SETBP1: variants seen among roughly 807,000 people sequenced by gnomAD.
SETBP1 encodes SET binding protein 1.
In SETBP1, 9 loss-of-function variants were observed where a neutral mutation model predicts 101.0. The observed-to-expected ratio is 0.09, with a 90% CI of 0.05 to 0.16. The LOEUF (loss-of-function observed/expected upper bound fraction) is 0.16. SETBP1 is among the 10% of genes least tolerant of loss of function. SETBP1 has a pLI of 1.00. For synonymous variants in SETBP1, 818 were observed against 788.5 expected, an observed-to-expected ratio of 1.04 and a Z score of -0.63; for missense variants, 1,858 against 2,033.8, an observed-to-expected ratio of 0.91 and a Z score of 1.66.
chr18:45,049,214 G>A (rs1266677187), intron 5 of SETBP1, among the ~76,000 whole-genome samples: 2 of 152,152 alleles, frequency 1.3e-5, no homozygotes, highest in Non-Finnish European at 2.9e-5. Flanking sequence ...GAAGAGTTAA[G>A]ATGGACTTCT....
intron 2 of SETBP1, among the ~76,000 whole-genome samples, chr18:44,781,241 G>T (rs1197082747): frequency 6.6e-6 from 1 of 152,206 alleles, no homozygotes; most frequent in Non-Finnish European, 1.5e-5. Flanking sequence ...TGCTTCTTGA[G>T]ATGATTGTTC....
chr18:45,057,955 C>T (rs1389614242), intron 5 of SETBP1, among the ~76,000 whole-genome samples: 3 of 152,138 alleles, frequency 2.0e-5, no homozygotes, highest in Non-Finnish European at 2.9e-5. Context: ...TTACCATAAA[C>T]GACTTGACAA....
intron 1 of SETBP1, among the ~76,000 whole-genome samples, chr18:44,688,981 G>A (rs1248055873): frequency 6.6e-6 from 1 of 152,182 alleles, no homozygotes; most frequent in Non-Finnish European, 1.5e-5. Flanking sequence ...TTTTGCCCTG[G>A]GAGAGTGGGC....
At chr18:45,058,734 A>C (rs752096750) in intron 5 of SETBP1, among the ~76,000 whole-genome samples, 2 of 152,254 alleles carry the variant, frequency 1.3e-5, no homozygotes, top group Non-Finnish European at 2.9e-5. Flanking sequence ...AGATGTGAAA[A>C]ACCCTAAAGA....
chr18:44,914,903 G>T (rs1430553128), intron 3 of SETBP1, among the ~76,000 whole-genome samples: 1 of 152,040 alleles, frequency 6.6e-6, no homozygotes, highest in Non-Finnish European at 1.5e-5. Context: ...TCAGCTGGCT[G>T]CTGGTGTAAG....
At chr18:44,760,999 T>C (rs1334403826) in intron 2 of SETBP1, among the ~76,000 whole-genome samples, 1 of 152,220 alleles carries the variant, frequency 6.6e-6, no homozygotes, top group African/African-American at 2.4e-5. Flanking sequence ...ATTATAAAAA[T>C]GGTTACAACA....
At chr18:45,028,745 A>C (rs2073225780) in intron 4 of SETBP1, among the ~76,000 whole-genome samples, 1 of 152,070 alleles carries the variant, frequency 6.6e-6, no homozygotes, top group Admixed American at 6.5e-5. Context: ...TTTGATTTGC[A>C]TTTCTCTAAT....
chr18:44,729,533 A>T (rs2069789268), intron 2 of SETBP1, among the ~76,000 whole-genome samples: 1 of 152,244 alleles, frequency 6.6e-6, no homozygotes, highest in Non-Finnish European at 1.5e-5. Flanking sequence ...ATCACTATTC[A>T]TAAAGAAGGG....
chr18:44,685,537 C>A (rs1345561724), intron 1 of SETBP1, among the ~76,000 whole-genome samples: 1 of 152,124 alleles, frequency 6.6e-6, no homozygotes. Context: ...CTCTTTGGAT[C>A]GTGTCCCTGT....
chr18:44,863,302 T>A (rs1328616198), intron 2 of SETBP1, among the ~76,000 whole-genome samples: 1 of 152,178 alleles, frequency 6.6e-6, no homozygotes, highest in Non-Finnish European at 1.5e-5. Context: ...GAAACTTTCT[T>A]TGGGTTGCAT....
chr18:44,957,360 G>A (rs1189306877), intron 4 of SETBP1, among the ~76,000 whole-genome samples: 1 of 147,636 alleles, frequency 6.8e-6, no homozygotes, highest in Non-Finnish European at 1.5e-5. Flanking sequence ...GACAACTGCT[G>A]TTCAAGCTCC....
chr18:44,737,011 C>T (rs2144438311), intron 2 of SETBP1, among the ~76,000 whole-genome samples: 2 of 152,238 alleles, frequency 1.3e-5, no homozygotes, highest in South Asian at 4.2e-4. Flanking sequence ...AACACAGGGC[C>T]TGGTAGACCG....
chr18:45,030,303 T>G (rs1360069019), intron 4 of SETBP1, among the ~76,000 whole-genome samples: 3 of 125,138 alleles, frequency 2.4e-5, no homozygotes. Flanking sequence ...GTTTATATGC[T>G]GGATTACATT....
rs116155572 is a variant in SETBP1 at position 45,026,842 on chromosome 18, G to A, written c.4001-11643G>A. ...CGCGTGTACACACGTGTGTATGTGCGTGTACAAACCAACTTAGGCAAGAAT... is the reference window on the plus strand; with the variant it reads ...CGCGTGTACACACGTGTGTATGTGCATGTACAAACCAACTTAGGCAAGAAT... On this transcript the variant is annotated intron_variant, in intron 4 of 5. Coordinates refer to ENST00000649279, the MANE Select transcript of SETBP1 (RefSeq NM_015559.3). Among the ~76,000 whole-genome samples the A allele has an allele frequency of 2.5e-3, 375 of 152,252 alleles. 1 individual carries two copies. Among genetic ancestry groups the A allele is most frequent in the African/African-American group, 8.7e-3 (361 of 41,564 alleles).
At chr18:44,781,797 A>G (rs1281765699) in intron 2 of SETBP1, among the ~76,000 whole-genome samples, 2 of 152,196 alleles carry the variant, frequency 1.3e-5, no homozygotes, top group Non-Finnish European at 2.9e-5. Flanking sequence ...GAAGCTGAGC[A>G]AATGGAGCCA....
chr18:44,760,576 A>G (rs1402704743), intron 2 of SETBP1, among the ~76,000 whole-genome samples: 1 of 152,060 alleles, frequency 6.6e-6, no homozygotes, highest in African/African-American at 2.4e-5. Flanking sequence ...TGGCTGACAC[A>G]CCTCCTCTTT....
intron 4 of SETBP1, among the ~76,000 whole-genome samples, chr18:45,007,401 A>G (rs1311834751): frequency 2.0e-5 from 3 of 152,084 alleles, no homozygotes; most frequent in Non-Finnish European, 4.4e-5. Context: ...GGAACAAAAG[A>G]TCTCCAGTAA....
intron 2 of SETBP1, among the ~76,000 whole-genome samples, chr18:44,827,558 T>C (rs1044772967): frequency 2.6e-5 from 4 of 152,178 alleles, no homozygotes; most frequent in Non-Finnish European, 5.9e-5. Context: ...TGACGGTCTT[T>C]TGTGGTTTGC....
intron 2 of SETBP1, among the ~76,000 whole-genome samples, chr18:44,850,115 G>A (rs569874978): frequency 1.7e-4 from 26 of 152,122 alleles, no homozygotes; most frequent in South Asian, 1.7e-3. Context: ...CCAAAAGTTG[G>A]ATCTGGAATG....
Sources: allele counts gnomAD v4.1 joint callset (sites outside exome capture counted in the v4.1 genomes callset), GRCh38; gene constraint gnomAD v4.1.1; transcripts MANE v1.5; gene names NCBI Gene and HGNC (gene_info 2026-07-23, HGNC 2026-07-21).